BMP6: variants seen among roughly 807,000 people sequenced by gnomAD.
BMP6 encodes the protein bone morphogenetic protein 6.
In BMP6, 17 loss-of-function variants were observed where a neutral mutation model predicts 54.1. The observed-to-expected ratio is 0.31, with a 90% CI of 0.22 to 0.47. BMP6 has a LOEUF of 0.47. Ranked by LOEUF, BMP6 falls within the 20% of genes least tolerant of loss-of-function variation. BMP6 has a pLI of 1.00. For missense variants in BMP6, 720 were observed against 690.4 expected (o/e 1.04, Z -0.48); for synonymous variants, 328 against 291.2 (o/e 1.13, Z -1.28).
Position 7,811,936 on chromosome 6 carries a change from T to C in BMP6, c.665-33204T>C, listed in dbSNP as rs916960477. ...CTTAACTAAGTGAAAAATATATATA[T>C]GAAAATTACTGTTCTGCAAATAGTT... On this transcript the variant is annotated intron_variant, in intron 1 of 6. Transcript: ENST00000283147. 2.1e-4 allele frequency among the ~76,000 whole-genome samples: 32 copies of C among 152,328 alleles called. 1 individual carries two copies. Among genetic ancestry groups the C allele is most frequent in the African/African-American group, 7.5e-4 (31 of 41,578 alleles).
rs189718622 is a variant in BMP6, at chr6:7,786,066, C to T, written c.664+58447C>T. On this transcript the variant is annotated intron_variant, in intron 1 of 6. Transcript: ENST00000283147. ...TTGAAAATGCAGGAGGCAGAAGCCC[C>T]GGCCTCCTAGTAGAGGGAAAGCACG... is the stretch of plus-strand genomic sequence containing the variant. 3.9e-3 allele frequency among the ~76,000 whole-genome samples: 598 copies of T among 152,324 alleles called. 5 individuals are homozygous for T. The highest frequency in any genetic ancestry group is 0.014 in the African/African-American group (569 of 41,564).
rs75648375 is a variant in BMP6 at position 7,775,388 on chromosome 6, G to C, written c.664+47769G>C. Among the ~76,000 whole-genome samples the C allele has an allele frequency of 4.1e-3, 629 of 152,270 alleles. 11 individuals are homozygous for C. Among genetic ancestry groups the C allele is most frequent in the African/African-American group, 0.014 (592 of 41,554 alleles). ...TGAAGTGGTCCTGAATGGCTGTGGA[G>C]ACCAAGCTTTTATTTTGGAAAGATA... is the stretch of plus-strand genomic sequence containing the variant. On this transcript the variant is annotated intron_variant, in intron 1 of 6. Transcript: ENST00000283147.
At chr6:7,830,531 C>T (rs1007603127) in intron 1 of BMP6, among the ~76,000 whole-genome samples, 4 of 152,118 alleles carry the variant, frequency 2.6e-5, no homozygotes, top group Admixed American at 2.0e-4. Flanking sequence ...TCCAGAATGA[C>T]CTCTGAGGAA....
intron 1 of BMP6, among the ~76,000 whole-genome samples, chr6:7,803,416 C>T (rs1442433305): frequency 1.3e-5 from 2 of 152,176 alleles, no homozygotes; most frequent in Admixed American, 6.5e-5. Flanking sequence ...GGTTATGATA[C>T]AACACTCAAA....
At chr6:7,730,587 C>G (rs891969233) in intron 1 of BMP6, among the ~76,000 whole-genome samples, 2 of 152,202 alleles carry the variant, frequency 1.3e-5, no homozygotes, top group African/African-American at 4.8e-5. Context: ...TCTATTTCAT[C>G]TTAATCCATG....
intron 1 of BMP6, among the ~76,000 whole-genome samples, chr6:7,778,006 C>A (rs974079365): frequency 1.3e-5 from 2 of 152,132 alleles, no homozygotes; most frequent in African/African-American, 4.8e-5. Context: ...AGGAACATTA[C>A]CTGTTCGTTC....
chr6:7,859,686 G>C (rs553383520), intron 2 of BMP6, among the ~76,000 whole-genome samples: 1 of 151,676 alleles, frequency 6.6e-6, no homozygotes, highest in Non-Finnish European at 1.5e-5. Context: ...CGCACCCCCC[G>C]CAATCTCCCT....
At chr6:7,841,216 G>A (rs1030723977) in intron 1 of BMP6, among the ~76,000 whole-genome samples, 4 of 152,144 alleles carry the variant, frequency 2.6e-5, no homozygotes, top group African/African-American at 9.7e-5. Context: ...CAACACCAGC[G>A]TCTCAGTTTG....
At chr6:7,846,913 G>T (rs1403765340) in intron 2 of BMP6, among the ~76,000 whole-genome samples, 1 of 151,866 alleles carries the variant, frequency 6.6e-6, no homozygotes, top group African/African-American at 2.4e-5. Context: ...TATCTTTTTG[G>T]CTCAGAAATA....
intron 1 of BMP6, among the ~76,000 whole-genome samples, chr6:7,745,876 G>T (rs545163611): frequency 6.6e-5 from 10 of 152,260 alleles, no homozygotes; most frequent in African/African-American, 2.4e-4. Flanking sequence ...GCTGAGACAG[G>T]AGAATCACTT....
intron 1 of BMP6, among the ~76,000 whole-genome samples, chr6:7,728,249 G>A (rs1358877244): frequency 6.6e-6 from 1 of 152,216 alleles, no homozygotes. Context: ...TGTTTGGGGC[G>A]GGATGAAAGC....
chr6:7,862,129 A>G (rs1035130984), intron 3 of BMP6, among the ~76,000 whole-genome samples, 172 bp from the exon 4 acceptor site: 1 of 152,178 alleles, frequency 6.6e-6, no homozygotes, highest in African/African-American at 2.4e-5. Context: ...GATTCTGCCA[A>G]AAGATGCCAT....
chr6:7,748,448 G>C (rs1757377233), intron 1 of BMP6, among the ~76,000 whole-genome samples: 1 of 152,120 alleles, frequency 6.6e-6, no homozygotes, highest in South Asian at 2.1e-4. Flanking sequence ...AAGAAAACTG[G>C]AACAGTTTAG....
chr6:7,779,333 T>TA lies in BMP6; in HGVS notation c.664+51714_664+51715insA, dbSNP rs559858936. On this transcript the variant is annotated intron_variant, in intron 1 of 6. Transcript: ENST00000283147. ...ATTTTAATTTGTAAACTTATTTATT[T>TA]TTTTTTTTAAATTTCTTGAGATGGA... is the stretch of plus-strand genomic sequence containing the variant. Among the ~76,000 whole-genome samples the TA allele has an allele frequency of 9.0e-4, 137 of 152,200 alleles. 1 individual carries two copies. In the Middle Eastern group the frequency reaches 0.01, roughly 11 times the overall value.
chr6:7,824,607 C>A (rs1758663950), intron 1 of BMP6, among the ~76,000 whole-genome samples: 1 of 152,212 alleles, frequency 6.6e-6, no homozygotes, highest in African/African-American at 2.4e-5. Context: ...CAAATGTGAA[C>A]TACACAGAGG....
intron 4 of BMP6, among the ~76,000 whole-genome samples, chr6:7,871,494 C>T (rs1759523862): frequency 6.6e-6 from 1 of 152,232 alleles, no homozygotes; most frequent in African/African-American, 2.4e-5. Flanking sequence ...ATCTGTGTCA[C>T]CTGATCACTC....
At position 7,862,161 on chromosome 6, in the gene BMP6, T is replaced by C. The variant is rs1759344718; in HGVS notation, c.1007-140T>C. The C allele has an allele frequency of 1.9e-5, 19 of 1,024,604 alleles. No individual in the cohort carries two copies. In the South Asian group the frequency reaches 2.9e-4, roughly 16 times the overall value. 63.5% of individuals were successfully genotyped at this position (1,024,604 alleles called of 1,614,324 possible). A position where few individuals can be genotyped will look rare whatever the true frequency, so the allele number is the denominator to read the frequency against. ...CCATCCCATGGGTGCCAGGCAAGGT[T>C]TGGGGATACATGATCTTCTTCTTCA... On this transcript the variant is annotated intron_variant, in intron 3 of 6. Transcript: ENST00000283147.
At chr6:7,879,442 A>G (rs1216677362) in intron 5 of BMP6, among the ~76,000 whole-genome samples, 1 of 152,218 alleles carries the variant, frequency 6.6e-6, no homozygotes, top group Non-Finnish European at 1.5e-5. Context: ...TTCAAAGCCC[A>G]TAGGACATAC....
intron 1 of BMP6, among the ~76,000 whole-genome samples, chr6:7,811,632 T>C (rs1046788015): frequency 1.3e-5 from 2 of 152,230 alleles, no homozygotes; most frequent in Non-Finnish European, 2.9e-5. Flanking sequence ...GTAGTGTTCT[T>C]TTCTGCTGTT....
Sources: gnomAD v4.1 joint callset for allele counts (sites outside exome capture counted in the v4.1 genomes callset) on GRCh38, gnomAD v4.1.1 for gene constraint, MANE v1.5 for transcripts, NCBI Gene and HGNC (gene_info 2026-07-23, HGNC 2026-07-21) for gene names.